The following ABLIM1 variants were observed in gnomAD, a reference collection of about 807,000 sequenced individuals.
ABLIM1 encodes the protein actin-binding LIM protein 1.
A neutral mutation model predicts 107.0 loss-of-function variants in ABLIM1; 40 were observed. That is an observed-to-expected ratio of 0.37 (90% CI 0.29 to 0.49). The LOEUF (loss-of-function observed/expected upper bound fraction) is 0.49, where lower values mean the gene tolerates loss of function less well. ABLIM1 is among the 20% of genes least tolerant of loss of function. ABLIM1 has a pLI of 0.97. For synonymous variants in ABLIM1, 357 were observed against 357.3 expected (o/e 1.00, Z 0.01); for missense variants, 857 against 1,008.5 (o/e 0.85, Z 2.04).
At chr10:114,679,294 G>A (rs2080632549) in intron 1 of ABLIM1, among the ~76,000 whole-genome samples, 1 of 151,978 alleles carries the variant, frequency 6.6e-6, no homozygotes, top group Non-Finnish European at 1.5e-5. Context: ...CCAGACCCCT[G>A]TTGTTTGCTA....
chr10:114,597,596 CAAAAA>C (rs1352386911), intron 2 of ABLIM1, among the ~76,000 whole-genome samples: 1 of 151,600 alleles, frequency 6.6e-6, no homozygotes, highest in African/African-American at 2.4e-5. Flanking sequence ...AAAAGAAAAA[CAAAAA>C]GAAAAGAAAA....
rs2059085607 is a variant in ABLIM1 at position 114,433,717 on chromosome 10, A to C, written c.*2543T>G. 6.6e-6 allele frequency: 1 copy of C among 152,188 alleles called. No homozygotes were observed. Among genetic ancestry groups the C allele is most frequent in the African/African-American group, 2.4e-5 (1 of 41,446 alleles). 9.4% of individuals were successfully genotyped at this position (152,188 alleles called of 1,614,324 possible). On this transcript the variant is annotated 3_prime_UTR_variant, in exon 23 of 23. Coordinates refer to ENST00000533213, the MANE Select transcript of ABLIM1 (RefSeq NM_002313.7). Reference sequence around the variant, plus strand: ...AGGCCCCTTAACTCCTAGTCTCTATAAAATAAGGAAGGGGGTTGTCCCAGT... The same window carrying C: ...AGGCCCCTTAACTCCTAGTCTCTATCAAATAAGGAAGGGGGTTGTCCCAGT...
At chr10:114,723,120 T>C (rs1315397248) in intron 1 of ABLIM1, among the ~76,000 whole-genome samples, 1 of 152,226 alleles carries the variant, frequency 6.6e-6, no homozygotes, top group East Asian at 1.9e-4. Context: ...AATGAATGCA[T>C]ACCAGAATGT....
At chr10:114,590,220 GATGTTCACACACA>G (rs1186967987) in intron 2 of ABLIM1, among the ~76,000 whole-genome samples, 2 of 152,124 alleles carry the variant, frequency 1.3e-5, no homozygotes, top group African/African-American at 4.8e-5. Context: ...TAGACTCTAT[GATGTTCACACACA>G]ATGGAATGAC....
intron 8 of ABLIM1, among the ~76,000 whole-genome samples, chr10:114,479,384 C>G (rs749644359): frequency 2.6e-5 from 4 of 152,178 alleles, no homozygotes; most frequent in Non-Finnish European, 5.9e-5. Flanking sequence ...CACTTGGACT[C>G]CTTCCCATCA....
At chr10:114,587,676 G>A (rs556760916) in intron 2 of ABLIM1, among the ~76,000 whole-genome samples, 7 of 152,146 alleles carry the variant, frequency 4.6e-5, no homozygotes, top group Admixed American at 2.6e-4. Flanking sequence ...TGTCCTCACC[G>A]CCCACTGTCC....
At chr10:114,774,098 A>G in the ABLIM1 span, among the ~76,000 whole-genome samples, 1 of 152,226 alleles carries the variant, frequency 6.6e-6, no homozygotes, top group African/African-American at 2.4e-5. Flanking sequence ...TATTAGAAAG[A>G]CACCCTTAAC....
intron 12 of ABLIM1, among the ~76,000 whole-genome samples, chr10:114,463,430 C>T (rs1458089819): frequency 2.0e-5 from 3 of 151,930 alleles, no homozygotes; most frequent in Non-Finnish European, 4.4e-5. Flanking sequence ...AAATGGTCAC[C>T]CGGATGGTCT....
chr10:114,537,959 T>A (rs183132329), intron 6 of ABLIM1, among the ~76,000 whole-genome samples: 177 of 152,340 alleles, frequency 1.2e-3, no homozygotes, highest in African/African-American at 3.9e-3. Context: ...GCAAATTACA[T>A]CTCTGATGGT....
At chr10:114,631,063 T>A (rs2078143142) in intron 1 of ABLIM1, among the ~76,000 whole-genome samples, 1 of 152,024 alleles carries the variant, frequency 6.6e-6, no homozygotes, top group Admixed American at 6.6e-5. Flanking sequence ...AAGGCAGGAG[T>A]GAGGGGCTTT....
chr10:114,615,408 G>A (rs938135140), intron 1 of ABLIM1, among the ~76,000 whole-genome samples: 3 of 152,020 alleles, frequency 2.0e-5, no homozygotes, highest in African/African-American at 7.2e-5. Flanking sequence ...AAGCTTCTAG[G>A]TCACCTCCTC....
chr10:114,441,186 A>T, intron 18 of ABLIM1, 109 bp from the exon 19 acceptor site: 2 of 1,165,066 alleles, frequency 1.7e-6, no homozygotes, highest in Non-Finnish European at 2.4e-6. Context: ...CCCAAGCTAA[A>T]TGTCAGACCT....
intron 1 of ABLIM1, among the ~76,000 whole-genome samples, chr10:114,752,012 C>G (rs1375354436): frequency 6.6e-6 from 1 of 152,216 alleles, no homozygotes; most frequent in Non-Finnish European, 1.5e-5. Flanking sequence ...GCACCTTCCC[C>G]AACCCTTTGC....
chr10:114,558,203 G>C (rs12413487), intron 4 of ABLIM1, among the ~76,000 whole-genome samples: 29,016 of 152,032 alleles, frequency 0.19, 2,967 homozygotes, highest in East Asian at 0.31. Context: ...CTAGTACTGA[G>C]TGTTCCCCCG....
chr10:114,473,787 G>T, intron 9 of ABLIM1, 92 bp downstream of exon 9: 1 of 938,888 alleles, frequency 1.1e-6, no homozygotes, highest in Non-Finnish European at 1.7e-6. Flanking sequence ...AAATCACTTT[G>T]AATCAGTTTT....
At chr10:114,440,716 C>T (rs949576438) in intron 19 of ABLIM1, 1 of 472,146 alleles carries the variant, frequency 2.1e-6, no homozygotes, top group African/African-American at 2.0e-5. Flanking sequence ...CCGCCTCAGC[C>T]TCCCAAAGTG....
chr10:114,565,784 A>ATTTATTTTT (rs1591259635), intron 4 of ABLIM1, among the ~76,000 whole-genome samples: 1 of 74,576 alleles, frequency 1.3e-5, no homozygotes, highest in Non-Finnish European at 2.8e-5. Flanking sequence ...ATCTGAAATG[A>ATTTATTTTT]TTTCTTTTTT....
intron 1 of ABLIM1, among the ~76,000 whole-genome samples, chr10:114,721,388 A>G (rs1324434970): frequency 6.6e-6 from 1 of 152,172 alleles, no homozygotes; most frequent in African/African-American, 2.4e-5. Flanking sequence ...GGAGGTGCCC[A>G]GGTGATCGCT....
At chr10:114,686,874 G>A (rs188742887), upstream of ABLIM1, among the ~76,000 whole-genome samples, 4 of 151,568 alleles carry the variant, frequency 2.6e-5, no homozygotes, top group Admixed American at 6.6e-5. Context: ...TAATCCTCTC[G>A]CCTCAGCCTC....
Sources: allele counts gnomAD v4.1 joint callset (sites outside exome capture counted in the v4.1 genomes callset), GRCh38; gene constraint gnomAD v4.1.1; transcripts MANE v1.5; gene names NCBI Gene and HGNC (gene_info 2026-07-23, HGNC 2026-07-21).